The following SAMD12 variants were observed in gnomAD, a reference collection of about 807,000 sequenced individuals.
SAMD12 encodes sterile alpha motif domain-containing protein 12.
A neutral mutation model predicts 15.0 loss-of-function variants in SAMD12; 9 were observed. That is an observed-to-expected ratio of 0.60 (90% confidence interval 0.36 to 1.05). The LOEUF (loss-of-function observed/expected upper bound fraction) is 1.05, where lower values mean the gene tolerates loss of function less well. Ranked by LOEUF, SAMD12 falls within the 50% of genes least tolerant of loss-of-function variation. SAMD12 has a pLI of 0.01. For synonymous variants in SAMD12, 86 were observed against 90.1 expected (o/e 0.96, Z 0.25); for missense variants, 230 against 234.2 (o/e 0.98, Z 0.12).
chr8:118,506,348 T>C (rs1824918868), intron 2 of SAMD12, among the ~76,000 whole-genome samples: 1 of 152,230 alleles, frequency 6.6e-6, no homozygotes. Flanking sequence ...AACTCCTACC[T>C]GGCTCTGGTC....
At chr8:118,569,547 C>A (rs919871877) in intron 2 of SAMD12, among the ~76,000 whole-genome samples, 3 of 152,152 alleles carry the variant, frequency 2.0e-5, no homozygotes, top group African/African-American at 7.2e-5. Flanking sequence ...CCCTAACCCC[C>A]AATAAGGTGT....
At chr8:118,142,806 T>C in the SAMD12 span, among the ~76,000 whole-genome samples, 2 of 152,230 alleles carry the variant, frequency 1.3e-5, no homozygotes, top group Non-Finnish European at 2.9e-5. Flanking sequence ...TACTAGTTTA[T>C]ATAAGTGACT....
intron 3 of SAMD12, among the ~76,000 whole-genome samples, chr8:118,385,901 G>A (rs1461696117): frequency 6.6e-6 from 1 of 152,206 alleles, no homozygotes; most frequent in African/African-American, 2.4e-5. Context: ...ATAGAGGGAA[G>A]AGGCTCCATT....
chr8:118,363,199 T>A (rs1818588811), intron 4 of SAMD12, among the ~76,000 whole-genome samples: 1 of 152,202 alleles, frequency 6.6e-6, no homozygotes, highest in African/African-American at 2.4e-5. Context: ...AGGCAATTAG[T>A]CATCTTACAC....
At position 118,448,752 on chromosome 8, in the gene SAMD12, A is replaced by C. The variant is rs143075948; in HGVS notation, c.193-8791T>G. Among the ~76,000 whole-genome samples, 10 of 152,352 alleles carry C rather than the reference A, an allele frequency of 6.6e-5. No individual in the cohort carries two copies. The East Asian group carries it at 1.9e-3, about 29-fold the overall frequency. ...ACTGACACAGAGAGTGATGTGATAA[A>C]ACAAACTTGGCATTTGGAATCATGC... is the stretch of plus-strand genomic sequence containing the variant. On this transcript the variant is annotated intron_variant, in intron 2 of 3. Coordinates refer to ENST00000314727, the MANE Select transcript of SAMD12 (RefSeq NM_207506.3).
intron 3 of SAMD12, among the ~76,000 whole-genome samples, chr8:118,388,257 C>G (rs1820070393): frequency 6.6e-6 from 1 of 152,138 alleles, no homozygotes; most frequent in African/African-American, 2.4e-5. Context: ...GCGTTAGTCT[C>G]TTTCTTTATT....
exon 5 of SAMD12, chr8:118,197,427 GCA>G: frequency 1.9e-6 from 1 of 538,208 alleles, no homozygotes; most frequent in Non-Finnish European, 3.3e-6. Context: ...CTTGAGTTAT[GCA>G]CAGTGATGAA....
chr8:118,341,765 G>C (rs777683339), intron 4 of SAMD12, among the ~76,000 whole-genome samples: 2 of 152,168 alleles, frequency 1.3e-5, no homozygotes, highest in Non-Finnish European at 2.9e-5. Flanking sequence ...TATCAATTTC[G>C]GGAGGGCACA....
intron 3 of SAMD12, among the ~76,000 whole-genome samples, chr8:118,409,786 T>G (rs528397219): frequency 7.2e-5 from 11 of 151,872 alleles, no homozygotes; most frequent in African/African-American, 2.7e-4. Context: ...AAAATAGTTC[T>G]TGAAAACCAG....
chr8:118,426,774 G>GT (rs1307148247), intron 3 of SAMD12, among the ~76,000 whole-genome samples: 1 of 151,958 alleles, frequency 6.6e-6, no homozygotes, highest in East Asian at 1.9e-4. Flanking sequence ...AATAATGTAT[G>GT]TTTTTCTTCA....
chr8:118,388,402 A>C (rs1247532513), intron 3 of SAMD12, among the ~76,000 whole-genome samples: 1 of 152,192 alleles, frequency 6.6e-6, no homozygotes, highest in Non-Finnish European at 1.5e-5. Flanking sequence ...ATTTCTGATA[A>C]AAGCAGCTCT....
chr8:118,244,027 C>T (rs919496127), intron 4 of SAMD12, among the ~76,000 whole-genome samples: 4 of 152,026 alleles, frequency 2.6e-5, no homozygotes, highest in Non-Finnish European at 5.9e-5. Context: ...GTTAAGGGAA[C>T]CCTGAGAATA....
the SAMD12 span, among the ~76,000 whole-genome samples, chr8:118,154,766 T>C: frequency 6.6e-6 from 1 of 152,146 alleles, no homozygotes; most frequent in Non-Finnish European, 1.5e-5. Context: ...TTAGGAATAA[T>C]AATAGCATGA....
chr8:118,602,469 A>G (rs1283795296), intron 1 of SAMD12, among the ~76,000 whole-genome samples: 1 of 152,248 alleles, frequency 6.6e-6, no homozygotes, highest in Non-Finnish European at 1.5e-5. Flanking sequence ...AATCATCTTC[A>G]GAAATGAGAA....
intron 3 of SAMD12, among the ~76,000 whole-genome samples, chr8:118,400,836 C>T (rs1168424244): frequency 6.6e-6 from 1 of 152,076 alleles, no homozygotes; most frequent in Non-Finnish European, 1.5e-5. Context: ...GAATACTGAT[C>T]AGCCACTAAA....
intron 4 of SAMD12, among the ~76,000 whole-genome samples, chr8:118,245,979 A>C (rs990749816): frequency 2.6e-5 from 4 of 152,162 alleles, no homozygotes; most frequent in African/African-American, 9.6e-5. Flanking sequence ...CGGTGGTAGC[A>C]CTTCAGAGCT....
the SAMD12 span, among the ~76,000 whole-genome samples, chr8:118,147,520 C>T: frequency 1.3e-5 from 2 of 151,682 alleles, no homozygotes; most frequent in Non-Finnish European, 1.5e-5. Flanking sequence ...GCCATCTTGC[C>T]CAGCTAATTT....
chr8:118,394,305 G>A (rs1474805334), intron 3 of SAMD12, among the ~76,000 whole-genome samples: 2 of 152,168 alleles, frequency 1.3e-5, no homozygotes, highest in East Asian at 1.9e-4. Context: ...CTTGTCTGAT[G>A]AGCTTCAAGG....
intron 2 of SAMD12, among the ~76,000 whole-genome samples, chr8:118,458,765 T>A (rs1251747000): frequency 1.3e-5 from 2 of 152,212 alleles, no homozygotes; most frequent in Non-Finnish European, 2.9e-5. Flanking sequence ...TCATATTATT[T>A]CTACTTATCA....
Sources: allele counts gnomAD v4.1 joint callset (sites outside exome capture counted in the v4.1 genomes callset), GRCh38; gene constraint gnomAD v4.1.1; transcripts MANE v1.5; gene names NCBI Gene and HGNC (gene_info 2026-07-23, HGNC 2026-07-21).